ARHGAP24: variants seen among roughly 807,000 people sequenced by gnomAD.
The protein encoded by ARHGAP24 is rho GTPase-activating protein 24.
Under a neutral mutation model 76.4 loss-of-function variants are expected in ARHGAP24, and 50 were observed. That is an observed-to-expected ratio of 0.65 (90% CI 0.52 to 0.83). The LOEUF is 0.83. Ranked by LOEUF, ARHGAP24 falls within the 40% of genes least tolerant of loss-of-function variation. The pLI, the probability that ARHGAP24 is intolerant of heterozygous loss-of-function variation, is 0.00. For synonymous variants in ARHGAP24, 345 were observed against 323.3 expected (o/e 1.07, Z -0.72); for missense variants, 930 against 914.2 (o/e 1.02, Z -0.22).
chr4:85,478,682 C>G (rs1206299372), intron 1 of ARHGAP24, among the ~76,000 whole-genome samples: 2 of 152,056 alleles, frequency 1.3e-5, no homozygotes, highest in African/African-American at 2.4e-5. Context: ...TTTTAGCTCC[C>G]CCTTTGTGTA....
chr4:85,756,219 C>T (rs1301249224), intron 3 of ARHGAP24, among the ~76,000 whole-genome samples: 1 of 131,318 alleles, frequency 7.6e-6, no homozygotes, highest in Admixed American at 7.9e-5. Flanking sequence ...AATAAAGTAG[C>T]TGATTAAACT....
chr4:85,850,035 C>T (rs1731129730), intron 3 of ARHGAP24, among the ~76,000 whole-genome samples: 2 of 152,160 alleles, frequency 1.3e-5, no homozygotes, highest in Middle Eastern at 3.2e-3. Context: ...ACCAGCTTCT[C>T]TTTGTACCTC....
intron 2 of ARHGAP24, among the ~76,000 whole-genome samples, chr4:85,572,760 C>T (rs1453613490): frequency 3.3e-5 from 5 of 151,438 alleles, no homozygotes; most frequent in Non-Finnish European, 7.4e-5. Context: ...AACAGACCAT[C>T]ACCATCCCCC....
At chr4:85,941,595 C>T (rs1455343424) in intron 4 of ARHGAP24, among the ~76,000 whole-genome samples, 4 of 152,012 alleles carry the variant, frequency 2.6e-5, no homozygotes, top group Non-Finnish European at 5.9e-5. Flanking sequence ...CATGACATCA[C>T]AACTTGAGTA....
chr4:85,511,945 G>A (rs901358553), intron 1 of ARHGAP24, among the ~76,000 whole-genome samples: 2 of 152,088 alleles, frequency 1.3e-5, no homozygotes, highest in Admixed American at 6.5e-5. Context: ...TCATAACATG[G>A]TGCTCTCCCT....
intron 2 of ARHGAP24, among the ~76,000 whole-genome samples, chr4:85,655,844 G>GAGAGAC (rs1722150172): frequency 8.1e-6 from 1 of 123,060 alleles, no homozygotes; most frequent in Non-Finnish European, 1.6e-5. Flanking sequence ...GAGAGAGAGA[G>GAGAGAC]ACAGAGAGGA....
At chr4:85,694,831 T>A (rs1393399300) in intron 2 of ARHGAP24, among the ~76,000 whole-genome samples, 2 of 152,210 alleles carry the variant, frequency 1.3e-5, no homozygotes, top group Non-Finnish European at 2.9e-5. Context: ...TATCAATGGA[T>A]CTTCATCTTG....
chr4:85,630,704 A>G (rs1184780805), intron 2 of ARHGAP24, among the ~76,000 whole-genome samples: 2 of 152,076 alleles, frequency 1.3e-5, no homozygotes, highest in South Asian at 2.1e-4. Context: ...CTAATACTCT[A>G]TCTAACATTG....
intron 3 of ARHGAP24, among the ~76,000 whole-genome samples, chr4:85,774,381 C>T (rs891021602): frequency 2.0e-5 from 3 of 152,182 alleles, no homozygotes; most frequent in Non-Finnish European, 4.4e-5. Context: ...TGGTCTCCCT[C>T]CTTTTCATTT....
Position 85,923,740 on chromosome 4 carries a change from C to G in ARHGAP24, c.361C>G (p.Arg121Gly), listed in dbSNP as rs866571196. The stretch of plus-strand genomic sequence containing the variant: ...TATGGAAGACTGGGTGAAGTCAATC[C>G]GCCGAGTCATATGGGGACCTTTCGG... ...NDMEDWVKSI[R>G]RVIWGPFGGG... is the part of the protein sequence containing the mutation. The change falls in exon 4 of 10, where the codon CGC becomes GGC. Residue 121 changes from arginine (R) to glycine (G), a missense_variant. Coordinates refer to ENST00000395184, the MANE Select transcript of ARHGAP24 (RefSeq NM_001025616.3). The G allele has an allele frequency of 6.2e-7, 1 of 1,613,822 alleles. No individual in the cohort carries two copies. Among genetic ancestry groups the G allele is most frequent in the African/African-American group, 1.3e-5 (1 of 74,892 alleles).
chr4:85,738,303 A>T (rs1176932801), intron 3 of ARHGAP24, among the ~76,000 whole-genome samples: 1 of 151,528 alleles, frequency 6.6e-6, no homozygotes, highest in Non-Finnish European at 1.5e-5. Context: ...GCCTTTGACC[A>T]TTTGCATATA....
At chr4:85,671,678 T>A (rs28711946) in intron 2 of ARHGAP24, among the ~76,000 whole-genome samples, 1 of 152,096 alleles carries the variant, frequency 6.6e-6, no homozygotes, top group African/African-American at 2.4e-5. Context: ...TTTTTATGTA[T>A]CCAGTATATT....
At chr4:85,606,410 G>A (rs1191528704) in intron 2 of ARHGAP24, among the ~76,000 whole-genome samples, 1 of 151,976 alleles carries the variant, frequency 6.6e-6, no homozygotes, top group African/African-American at 2.4e-5. Flanking sequence ...CTACTCGGGA[G>A]GCTGAGGCAG....
chr4:85,495,510 C>T (rs1723541186), intron 1 of ARHGAP24, among the ~76,000 whole-genome samples: 1 of 104,110 alleles, frequency 9.6e-6, no homozygotes, highest in African/African-American at 2.7e-5. Context: ...GCCACCACGC[C>T]CAGCTAATTT....
intron 1 of ARHGAP24, among the ~76,000 whole-genome samples, chr4:85,566,323 A>C (rs987004184): frequency 2.6e-5 from 4 of 152,202 alleles, no homozygotes; most frequent in African/African-American, 9.7e-5. Flanking sequence ...GAGTGAATAA[A>C]CTGTACTTAG....
intron 1 of ARHGAP24, among the ~76,000 whole-genome samples, chr4:85,558,752 G>T (rs149086554): frequency 6.6e-6 from 1 of 152,202 alleles, no homozygotes; most frequent in Non-Finnish European, 1.5e-5. Flanking sequence ...TGACAAAAAT[G>T]AGTGGTCCTT....
At chr4:85,628,072 G>A (rs183616835) in intron 2 of ARHGAP24, among the ~76,000 whole-genome samples, 47 of 152,210 alleles carry the variant, frequency 3.1e-4, no homozygotes, top group Middle Eastern at 3.4e-3. Context: ...ATGGTGTGCC[G>A]CACCCACTTT....
chr4:85,569,354 T>C (rs1191895027), intron 1 of ARHGAP24, among the ~76,000 whole-genome samples: 6 of 152,200 alleles, frequency 3.9e-5, no homozygotes, highest in Admixed American at 3.3e-4. Flanking sequence ...AATTCCTGAA[T>C]AAATGTTTAG....
chr4:85,577,864 A>G (rs1727443576), intron 2 of ARHGAP24, among the ~76,000 whole-genome samples: 1 of 152,192 alleles, frequency 6.6e-6, no homozygotes, highest in Non-Finnish European at 1.5e-5. Context: ...TGTAGGCCAT[A>G]GCCCTTTTGT....
Sources: allele counts gnomAD v4.1 joint callset (sites outside exome capture counted in the v4.1 genomes callset), GRCh38; gene constraint gnomAD v4.1.1; transcripts MANE v1.5; gene names NCBI Gene and HGNC (gene_info 2026-07-23, HGNC 2026-07-21).